The following CCDC171 variants were observed in gnomAD, a reference collection of about 807,000 sequenced individuals.
The protein encoded by CCDC171 is coiled-coil domain containing 171, also known as coiled-coil domain-containing protein 171.
In CCDC171, 177 loss-of-function variants were observed where a neutral mutation model predicts 168.2. The observed-to-expected ratio is 1.05, with a 90% CI of 0.93 to 1.19. The LOEUF is 1.19. Ranked by LOEUF, CCDC171 falls within the 50% of genes most tolerant of loss-of-function variation. The pLI is 0.00. For missense variants in CCDC171, 1,991 were observed against 1,539.0 expected (o/e 1.29, Z -4.91); for synonymous variants, 687 against 540.8 (o/e 1.27, Z -3.75).
intron 11 of CCDC171, among the ~76,000 whole-genome samples, chr9:15,703,007 G>T (rs1055333332): frequency 1.3e-5 from 2 of 151,720 alleles, no homozygotes; most frequent in African/African-American, 4.8e-5. Context: ...GGGTTCAAGC[G>T]ATTCTCCTGC....
intron 21 of CCDC171, among the ~76,000 whole-genome samples, chr9:15,791,225 A>G (rs914974228): frequency 1.3e-5 from 2 of 152,160 alleles, no homozygotes; most frequent in African/African-American, 4.8e-5. Context: ...CTTCCTATCC[A>G]TGAGCATGGA....
chr9:15,621,798 G>A (rs1020835446), intron 6 of CCDC171, among the ~76,000 whole-genome samples: 2 of 152,134 alleles, frequency 1.3e-5, no homozygotes, highest in Non-Finnish European at 2.9e-5. Context: ...CAAAGGAATA[G>A]AAATTGTTCT....
At chr9:15,605,773 C>T (rs748492705) in intron 6 of CCDC171, among the ~76,000 whole-genome samples, 13 of 151,878 alleles carry the variant, frequency 8.6e-5, no homozygotes, top group Non-Finnish European at 1.8e-4. Flanking sequence ...CCTCTGATTT[C>T]GCTCCTCATG....
chr9:15,794,545 G>T (rs527665028), intron 21 of CCDC171, among the ~76,000 whole-genome samples: 1 of 144,576 alleles, frequency 6.9e-6, no homozygotes, highest in Non-Finnish European at 1.5e-5. Flanking sequence ...CATCTATTTA[G>T]ATAATCATAT....
At chr9:16,022,953 C>A (rs1376542704) in intron 6 of CCDC171, 2 of 152,192 alleles carry the variant, frequency 1.3e-5, no homozygotes, top group Admixed American at 1.3e-4. Flanking sequence ...CCTGGTCAAA[C>A]CCTGGACAGA....
At chr9:16,103,966 G>A in the CCDC171 span, among the ~76,000 whole-genome samples, 1 of 152,228 alleles carries the variant, frequency 6.6e-6, no homozygotes, top group Non-Finnish European at 1.5e-5. Context: ...GGTGGAAAAA[G>A]TCTGAGACTT....
chr9:15,714,852 A>G (rs1237661098), intron 11 of CCDC171, among the ~76,000 whole-genome samples: 2 of 152,190 alleles, frequency 1.3e-5, no homozygotes, highest in East Asian at 3.9e-4. Flanking sequence ...ATGAGACTTA[A>G]CTATGCTGCC....
At chr9:15,950,818 C>T (rs1829061371) in intron 25 of CCDC171, among the ~76,000 whole-genome samples, 1 of 151,650 alleles carries the variant, frequency 6.6e-6, no homozygotes, top group South Asian at 2.1e-4. Flanking sequence ...AATTAAAAGA[C>T]ACAGACTGGT....
downstream of CCDC171, among the ~76,000 whole-genome samples, chr9:15,975,910 C>G (rs987021114): frequency 6.6e-6 from 1 of 152,042 alleles, no homozygotes; most frequent in Admixed American, 6.6e-5. Context: ...CCTGGATTAG[C>G]TGGGTGTGCT....
In CCDC171 at chr9:15,849,115, G is replaced by A. The variant is rs138344955; in HGVS notation, c.3468+168G>A. ...TCCATTACATGGTGCTATATTGCAT[G>A]CTTTTTTTCAGAATTCACTTTATAT... On this transcript the variant is annotated intron_variant, in intron 23 of 25. Transcript: ENST00000380701. Among the ~76,000 whole-genome samples, 117 of 151,730 alleles carry A rather than the reference G, an allele frequency of 7.7e-4. 1 individual carries two copies. Among genetic ancestry groups the A allele is most frequent in the African/African-American group, 2.6e-3 (109 of 41,486 alleles).
chr9:16,002,846 A>C (rs1467820631), intron 3 of CCDC171, among the ~76,000 whole-genome samples: 1 of 152,194 alleles, frequency 6.6e-6, no homozygotes, highest in East Asian at 1.9e-4. Flanking sequence ...ATACAGAAAT[A>C]CTGCTGTGTT....
At chr9:15,866,086 C>G (rs1350466274) in intron 23 of CCDC171, among the ~76,000 whole-genome samples, 1 of 151,724 alleles carries the variant, frequency 6.6e-6, no homozygotes, top group East Asian at 1.9e-4. Context: ...ATATTAAATG[C>G]AAAAAGAGTA....
intron 14 of CCDC171, among the ~76,000 whole-genome samples, chr9:15,726,628 A>G (rs1564292688): frequency 6.6e-6 from 1 of 152,136 alleles, no homozygotes; most frequent in Non-Finnish European, 1.5e-5. Flanking sequence ...AAATTATTAC[A>G]TTTGGAAAAA....
Position 15,758,075 on chromosome 9 carries a change from G to A in CCDC171, c.2671+12444G>A, listed in dbSNP as rs577726995. On this transcript the variant is annotated intron_variant, in intron 18 of 25. Transcript: ENST00000380701. The stretch of plus-strand genomic sequence containing the variant: ...GAGTCCCTACTGGGGCATCTGCCTA[G>A]TGGAGCTGTGAGAAGAGGGCCACCA... Among the ~76,000 whole-genome samples the A allele has an allele frequency of 3.3e-4, 50 of 152,328 alleles. 1 individual carries two copies. Among genetic ancestry groups the A allele is most frequent in the African/African-American group, 1.2e-3 (49 of 41,566 alleles).
chr9:15,724,381 T>A (rs1399812520), intron 13 of CCDC171, among the ~76,000 whole-genome samples: 1 of 152,206 alleles, frequency 6.6e-6, no homozygotes, highest in Non-Finnish European at 1.5e-5. Context: ...TATTTGAGAT[T>A]TCTATAAGTG....
At chr9:15,990,118 CAT>C in intron 3 of CCDC171, among the ~76,000 whole-genome samples, 2 of 152,008 alleles carry the variant, frequency 1.3e-5, no homozygotes, top group Non-Finnish European at 2.9e-5. Context: ...CTCCAAGACA[CAT>C]AATTGTCAGA....
At chr9:15,673,257 A>G (rs1301280461) in intron 9 of CCDC171, among the ~76,000 whole-genome samples, 1 of 152,202 alleles carries the variant, frequency 6.6e-6, no homozygotes, top group Non-Finnish European at 1.5e-5. Context: ...TTGGGCTGAG[A>G]TGATGGGGTT....
chr9:15,918,157 T>C (rs1162254581), intron 24 of CCDC171, among the ~76,000 whole-genome samples: 1 of 151,602 alleles, frequency 6.6e-6, no homozygotes, highest in Non-Finnish European at 1.5e-5. Flanking sequence ...CTCCTGTGTT[T>C]TGCTCTGAAA....
In CCDC171 at chr9:15,744,701, C is replaced by T. The variant is rs746772783; in HGVS notation, c.2478C>T (p.Thr826=). ...ILGQSCASLF[T]WMESFKEGIG... ...GCCAATCATGTGCCTCTCTTTTTAC[C>T]TGGATGGAGAGTTTCAAAGAAGGCA... The change falls in exon 17 of 26, where the codon ACC becomes ACT. Residue 826 remains threonine, a synonymous_variant. Coordinates refer to ENST00000380701, the MANE Select transcript of CCDC171 (RefSeq NM_173550.4). The T allele has an allele frequency of 5.6e-6, 9 of 1,613,920 alleles. No individual in the cohort carries two copies. In the African/African-American group the frequency reaches 6.7e-5, roughly 12 times the overall value.
Sources: allele counts gnomAD v4.1 joint callset (sites outside exome capture counted in the v4.1 genomes callset), GRCh38; gene constraint gnomAD v4.1.1; transcripts MANE v1.5; gene names NCBI Gene and HGNC (gene_info 2026-07-23, HGNC 2026-07-21).